The following RAB6A variants were observed in gnomAD, a reference collection of about 807,000 sequenced individuals.
RAB6A encodes ras-related protein Rab-6A.
RAB6A carries 8 observed loss-of-function variants against 32.3 expected under a neutral mutation model. That is an observed-to-expected ratio of 0.25 (90% CI 0.15 to 0.45). RAB6A has a LOEUF of 0.45. Ranked by LOEUF, RAB6A falls within the 20% of genes least tolerant of loss-of-function variation. The pLI, the probability that RAB6A is intolerant of heterozygous loss-of-function variation, is 1.00. For synonymous variants in RAB6A, 73 were observed against 82.1 expected (o/e 0.89, Z 0.60); for missense variants, 104 against 249.4 (o/e 0.42, Z 3.93).
chr11:73,741,192 G>A lies in RAB6A; in HGVS notation c.71-10369C>T, dbSNP rs533924975. ...TGCTCTGTCGCCCAGGCTGGAATGCGGTGGCGCAATCTCGGCTCACTGCAA... is the reference window on the plus strand; with the variant it reads ...TGCTCTGTCGCCCAGGCTGGAATGCAGTGGCGCAATCTCGGCTCACTGCAA... On this transcript the variant is annotated intron_variant, in intron 1 of 7. Coordinates refer to ENST00000336083, the MANE Select transcript of RAB6A (RefSeq NM_198896.2). Among the ~76,000 whole-genome samples the A allele has an allele frequency of 1.4e-4, 21 of 151,302 alleles. 1 individual carries two copies. Among genetic ancestry groups the A allele is most frequent in the Non-Finnish European group, 1.8e-4 (12 of 67,818 alleles).
rs1373056262 is a variant in RAB6A, at chr11:73,679,689, C to T, written c.527G>A (p.Gly176Glu). The T allele has an allele frequency of 6.2e-7, 1 of 1,613,572 alleles. No individual in the cohort carries two copies. The highest frequency in any genetic ancestry group is 2.2e-5 in the East Asian group (1 of 44,864). Residue 176 changes from glycine (G) to glutamate (E), a missense_variant, in exon 7 of 8, where the codon GGA becomes GAA. Around this residue, in one of 4 missense-constraint regions of RAB6A, gnomAD observed 33 missense variants for 59.5 expected, o/e 0.55. Coordinates refer to ENST00000336083, the MANE Select transcript of RAB6A (RefSeq NM_198896.2). ...LFRRVAAALP[G>E]MESTQDRSRE... The stretch of plus-strand genomic sequence containing the variant: ...GCTTCTGTCCTGTGTGCTTTCCATT[C>T]CCGGCAAAGCTGCTGCTACACGTCG...
chr11:73,731,673 A>C (rs1946303073), intron 1 of RAB6A, among the ~76,000 whole-genome samples: 1 of 140,092 alleles, frequency 7.1e-6, no homozygotes, highest in Non-Finnish European at 1.5e-5. Flanking sequence ...TGTGAGATAG[A>C]TAGATAGATA....
chr11:73,758,968 C>A (rs1332685854), intron 1 of RAB6A, among the ~76,000 whole-genome samples: 1 of 151,704 alleles, frequency 6.6e-6, no homozygotes, highest in African/African-American at 2.4e-5. Context: ...TTGTATTTTT[C>A]CCCCCAAAAG....
rs964411142 is a variant in RAB6A, at chr11:73,760,690, C to T, written c.-55G>A. 1 of 1,566,736 alleles carries T rather than the reference C, an allele frequency of 6.4e-7. No homozygotes were observed. The highest frequency in any genetic ancestry group is 8.7e-7 in the Non-Finnish European group (1 of 1,154,814). On this transcript the variant is annotated 5_prime_UTR_variant, in exon 1 of 8. Coordinates refer to ENST00000336083, the MANE Select transcript of RAB6A (RefSeq NM_198896.2). ...AGCCTAGAGACCTCCCGGACCGATG[C>T]TGCTCCAGCCAGCTGACGAAAAAGG...
At position 73,760,763 on chromosome 11, in the gene RAB6A, G is replaced by A. The variant is rs1054951933; in HGVS notation, c.-128C>T. On this transcript the variant is annotated 5_prime_UTR_variant, in exon 1 of 8. Coordinates refer to ENST00000336083, the MANE Select transcript of RAB6A (RefSeq NM_198896.2). The stretch of plus-strand genomic sequence containing the variant: ...GCTCTCTCGGCCCCTGCAAGGCCCG[G>A]TGGAGGAGCCCGGCTGGAGGGCAGC... 6.9e-5 allele frequency: 92 copies of A among 1,337,986 alleles called. No homozygotes were observed. The highest frequency in any genetic ancestry group is 1.6e-4 in the Admixed American group (7 of 43,524). The allele number at this position is 1,337,986 out of a possible 1,614,324, so 82.9% of individuals were successfully genotyped here.
At chr11:73,720,491 T>A (rs145145462) in intron 3 of RAB6A, among the ~76,000 whole-genome samples, 78 of 152,236 alleles carry the variant, frequency 5.1e-4, no homozygotes, top group African/African-American at 1.9e-3. Flanking sequence ...CCACATAACT[T>A]CTTTTTTGTC....
chr11:73,744,511 C>CAAAAAAAAAAA (rs555388622), intron 1 of RAB6A, among the ~76,000 whole-genome samples: 6 of 63,748 alleles, frequency 9.4e-5, no homozygotes, highest in African/African-American at 4.4e-4. Flanking sequence ...ACCCTGTCTC[C>CAAAAAAAAAAA]AAAAAAAAAA....
chr11:73,751,805 CAG>C (rs772119130), intron 1 of RAB6A, among the ~76,000 whole-genome samples: 7 of 152,172 alleles, frequency 4.6e-5, no homozygotes, highest in Non-Finnish European at 8.8e-5. Flanking sequence ...TTCTCTCCAG[CAG>C]TGCACTGAGT....
Position 73,677,828 on chromosome 11 carries a change from T to C in RAB6A, c.*70A>G, listed in dbSNP as rs1261984123. The C allele has an allele frequency of 5.6e-6, 9 of 1,608,758 alleles. No individual in the cohort carries two copies. In the Admixed American group the frequency reaches 1.5e-4, roughly 27 times the overall value. ...AAAAGGTTCAAGCCAATATTCACACTGCAGTCAATGAAAGAGTAAGGGGGC... is the reference window on the plus strand; with the variant it reads ...AAAAGGTTCAAGCCAATATTCACACCGCAGTCAATGAAAGAGTAAGGGGGC... On this transcript the variant is annotated 3_prime_UTR_variant, in exon 8 of 8. Transcript: ENST00000336083.
intron 1 of RAB6A, among the ~76,000 whole-genome samples, chr11:73,754,745 CCT>C (rs1946719814): frequency 6.6e-6 from 1 of 151,994 alleles, no homozygotes; most frequent in Admixed American, 6.6e-5. Context: ...ATAGCAAAAC[CCT>C]GTCTCTACTA....
At chr11:73,713,362 A>T (rs1276527806) in intron 5 of RAB6A, among the ~76,000 whole-genome samples, 1 of 152,220 alleles carries the variant, frequency 6.6e-6, no homozygotes, top group African/African-American at 2.4e-5. Context: ...CGAGGTCAGG[A>T]GATCAAGACC....
chr11:73,748,935 G>C (rs752420165), intron 1 of RAB6A, among the ~76,000 whole-genome samples: 60 of 151,996 alleles, frequency 3.9e-4, no homozygotes, highest in Non-Finnish European at 6.2e-4. Flanking sequence ...GACCAGCCTG[G>C]CCAATATGAT....
intron 5 of RAB6A, among the ~76,000 whole-genome samples, chr11:73,709,437 A>ATATTATTATTATTATTATTATTAT (rs3046615): frequency 7.3e-6 from 1 of 137,134 alleles, no homozygotes; most frequent in African/African-American, 2.7e-5. Context: ...CTCCTTAAGT[A>ATATTATTATTATTATTATTATTAT]TATTATTATT....
At chr11:73,723,165 T>G (rs916516960) in intron 2 of RAB6A, among the ~76,000 whole-genome samples, 1 of 151,960 alleles carries the variant, frequency 6.6e-6, no homozygotes, top group East Asian at 1.9e-4. Context: ...GGTACTAGAG[T>G]GATGAACAAA....
intron 1 of RAB6A, among the ~76,000 whole-genome samples, chr11:73,744,978 GA>G (rs58654043): frequency 0.056 from 4,689 of 83,050 alleles, 171 homozygotes; most frequent in African/African-American, 0.16. Context: ...CATCTCAAAA[GA>G]AAAAAAAAAA....
intron 1 of RAB6A, among the ~76,000 whole-genome samples, chr11:73,736,927 G>A (rs914091522): frequency 2.0e-4 from 28 of 143,340 alleles, no homozygotes; most frequent in African/African-American, 5.7e-4. Flanking sequence ...ACAATGAACC[G>A]TGATCATGCC....
chr11:73,744,424 T>C (rs535109653), intron 1 of RAB6A, among the ~76,000 whole-genome samples: 75 of 142,458 alleles, frequency 5.3e-4, no homozygotes, highest in African/African-American at 2.0e-3. Flanking sequence ...GGGAGGAGTA[T>C]CACTTGAGCC....
chr11:73,713,242 T>G lies in RAB6A; in HGVS notation c.401+3009A>C, dbSNP rs114486175. ...GATCTTACAGAGCATTTGGCATAGT[T>G]AATAACTGTCTTCTCCTTAAAACAT... On this transcript the variant is annotated intron_variant, in intron 5 of 7. Coordinates refer to ENST00000336083, the MANE Select transcript of RAB6A (RefSeq NM_198896.2). Among the ~76,000 whole-genome samples, 814 of 152,330 alleles carry G rather than the reference T, an allele frequency of 5.3e-3. 8 individuals are homozygous for G. The highest frequency in any genetic ancestry group is 0.018 in the African/African-American group (741 of 41,582).
In RAB6A at chr11:73,742,509, T is replaced by G. The variant is rs73548345; in HGVS notation, c.71-11686A>C. Among the ~76,000 whole-genome samples, 573 of 152,122 alleles carry G rather than the reference T, an allele frequency of 3.8e-3. 4 individuals are homozygous for G. The highest frequency in any genetic ancestry group is 0.013 in the African/African-American group (545 of 41,516). On this transcript the variant is annotated intron_variant, in intron 1 of 7. Transcript: ENST00000336083. ...ATAATGGTAAAGACAGACTACTGATTACTCTTATCAAAGAAAAATGGGCCA... is the reference window on the plus strand; with the variant it reads ...ATAATGGTAAAGACAGACTACTGATGACTCTTATCAAAGAAAAATGGGCCA...
Sources: gnomAD v4.1 joint callset for allele counts (sites outside exome capture counted in the v4.1 genomes callset) on GRCh38, gnomAD v4.1.1 for gene constraint, gnomAD v4.1.1 regional missense constraint, MANE v1.5 for transcripts, NCBI Gene and HGNC (gene_info 2026-07-23, HGNC 2026-07-21) for gene names.